TOM1L2: variants seen among roughly 807,000 people sequenced by gnomAD.
The protein encoded by TOM1L2 is target of myb1 like 2 membrane trafficking protein.
A neutral mutation model predicts 67.9 loss-of-function variants in TOM1L2; 31 were observed. That is an observed-to-expected ratio of 0.46 (90% CI 0.34 to 0.62). The LOEUF (loss-of-function observed/expected upper bound fraction) is 0.62. Ranked by LOEUF, TOM1L2 falls within the 20% of genes least tolerant of loss-of-function variation. TOM1L2 has a pLI of 0.01. For missense variants in TOM1L2, 606 were observed against 663.5 expected (o/e 0.91, Z 0.95); for synonymous variants, 256 against 254.0 (o/e 1.01, Z -0.07).
intron 7 of TOM1L2, among the ~76,000 whole-genome samples, chr17:17,879,347 T>C (rs2037593991): frequency 6.6e-6 from 1 of 152,250 alleles, no homozygotes; most frequent in Non-Finnish European, 1.5e-5. Flanking sequence ...TTATTTTCTT[T>C]TCTGTGCTTT....
Position 17,898,678 on chromosome 17 carries a change from GA to G in TOM1L2, c.138-5del, listed in dbSNP as rs1412500111. On this transcript the variant is annotated splice_region_variant and splice_polypyrimidine_tract_variant and intron_variant, in intron 2 of 14. Coordinates refer to ENST00000379504, the MANE Select transcript of TOM1L2 (RefSeq NM_001082968.2). ...GGCTCGAATGGCATCCTTTGGCCTG[GA>G]AAAAAGAACAGACATATAAAGATAC... The G allele has an allele frequency of 6.2e-7, 1 of 1,614,068 alleles. No homozygotes were observed. Among genetic ancestry groups the G allele is most frequent in the Admixed American group, 1.7e-5 (1 of 60,008 alleles).
At chr17:17,954,218 AC>A (rs1343397162) in intron 1 of TOM1L2, among the ~76,000 whole-genome samples, 6 of 152,196 alleles carry the variant, frequency 3.9e-5, no homozygotes, top group Non-Finnish European at 8.8e-5. Context: ...GGGAGTGGGA[AC>A]GGCAAAGTAA....
chr17:17,906,643 C>T (rs1006020312), intron 2 of TOM1L2, among the ~76,000 whole-genome samples: 1 of 152,214 alleles, frequency 6.6e-6, no homozygotes, highest in Non-Finnish European at 1.5e-5. Flanking sequence ...TAGGGCCTGG[C>T]ACAAGGTAGT....
chr17:17,862,541 G>A (rs959691591), intron 11 of TOM1L2, 190 bp downstream of exon 11: 2 of 599,430 alleles, frequency 3.3e-6, no homozygotes, highest in African/African-American at 1.9e-5. Context: ...GTTTGGGGGG[G>A]TGGGGGAGGA....
chr17:17,900,147 A>T (rs1403928983), intron 2 of TOM1L2, among the ~76,000 whole-genome samples: 4 of 152,102 alleles, frequency 2.6e-5, no homozygotes, highest in Non-Finnish European at 5.9e-5. Flanking sequence ...TGGGAGACGG[A>T]GGTTGCAGTG....
chr17:17,850,510 AAAAC>A (rs2035903227), intron 13 of TOM1L2, among the ~76,000 whole-genome samples: 2 of 151,028 alleles, frequency 1.3e-5, no homozygotes, highest in Non-Finnish European at 3.0e-5. Flanking sequence ...AAAACAAAAC[AAAAC>A]AAAAAACATG....
chr17:17,905,876 G>A (rs1422624022), intron 2 of TOM1L2, among the ~76,000 whole-genome samples: 1 of 151,978 alleles, frequency 6.6e-6, no homozygotes, highest in African/African-American at 2.4e-5. Context: ...GTGTTATCTG[G>A]GTCCCCAGTA....
chr17:17,923,020 G>T (rs967802334), intron 1 of TOM1L2, among the ~76,000 whole-genome samples: 2 of 152,164 alleles, frequency 1.3e-5, no homozygotes, highest in African/African-American at 4.8e-5. Context: ...CTATAAAAAG[G>T]CCTCAAAGAG....
rs1288792340 is a variant in TOM1L2 at position 17,865,079 on chromosome 17, T to C, written c.1084+1217A>G. On this transcript the variant is annotated intron_variant, in intron 10 of 14. Transcript: ENST00000379504. ...TATAATTTCATTTGTTATAAATTGGTATCATCCAGTATAACCAATGTGCTA... is the reference window on the plus strand; with the variant it reads ...TATAATTTCATTTGTTATAAATTGGCATCATCCAGTATAACCAATGTGCTA... Among the ~76,000 whole-genome samples, 12 of 152,234 alleles carry C rather than the reference T, an allele frequency of 7.9e-5. No homozygotes were observed. The South Asian group carries it at 2.3e-3, about 29-fold the overall frequency.
chr17:17,851,376 G>A (rs545498254), intron 12 of TOM1L2: 2 of 279,232 alleles, frequency 7.2e-6, no homozygotes, highest in African/African-American at 4.5e-5. Flanking sequence ...CCAACCCAGG[G>A]AAGGCCAAGT....
chr17:17,851,004 G>C, intron 12 of TOM1L2, 52 bp from the exon 13 acceptor site: 2 of 1,597,028 alleles, frequency 1.3e-6, no homozygotes, highest in Non-Finnish European at 1.7e-6. Context: ...GCCAGCGAGG[G>C]GAGACAGAAC....
At position 17,869,359 on chromosome 17, in the gene TOM1L2, C is replaced by T. The variant is rs1034038096; in HGVS notation, c.892G>A (p.Val298Ile). 11 of 1,611,280 alleles carry T rather than the reference C, an allele frequency of 6.8e-6. No individual in the cohort carries two copies. The highest frequency in any genetic ancestry group is 5.0e-5 in the Admixed American group (3 of 59,908). ...TCCCACCTCTCGTATCGAAGGAAGA[C>T]GTTGTTGAGGTCATCGTTCACATGC... is the stretch of plus-strand genomic sequence containing the variant. ...LLHVNDDLNN[V>I]FLRYERFERY... Residue 298 changes from valine to isoleucine, a missense_variant, in exon 8 of 15, where the codon GTC becomes ATC. By Grantham distance (29) the Val-to-Ile change is conservative. This residue lies in a region of TOM1L2 where 543 missense variants were observed against 554.0 expected (regional missense o/e 0.98). Coordinates refer to ENST00000379504, the MANE Select transcript of TOM1L2 (RefSeq NM_001082968.2).
intron 1 of TOM1L2, among the ~76,000 whole-genome samples, chr17:17,947,941 T>C (rs2144860791): frequency 6.6e-6 from 1 of 152,316 alleles, no homozygotes; most frequent in East Asian, 1.9e-4. Context: ...ATATACCTGG[T>C]TACAGTCCAA....
chr17:17,920,143 G>A (rs1314721143), intron 1 of TOM1L2, among the ~76,000 whole-genome samples: 1 of 152,042 alleles, frequency 6.6e-6, no homozygotes, highest in African/African-American at 2.4e-5. Flanking sequence ...TTTAGGTGAA[G>A]TCTTAAGTGT....
At chr17:17,956,137 C>A (rs1239865733) in intron 1 of TOM1L2, among the ~76,000 whole-genome samples, 1 of 152,216 alleles carries the variant, frequency 6.6e-6, no homozygotes, top group Non-Finnish European at 1.5e-5. Context: ...ACCACTACTG[C>A]CTCTGGCCCC....
chr17:17,916,830 C>A (rs773232917), intron 1 of TOM1L2, among the ~76,000 whole-genome samples: 11 of 151,850 alleles, frequency 7.2e-5, no homozygotes, highest in Non-Finnish European at 8.8e-5. Flanking sequence ...TGACACCAGT[C>A]TGGTCAACAC....
At chr17:17,856,369 G>A (rs2036252299) in intron 12 of TOM1L2, among the ~76,000 whole-genome samples, 1 of 152,284 alleles carries the variant, frequency 6.6e-6, no homozygotes, top group African/African-American at 2.4e-5. Context: ...CAGAGCAGCA[G>A]TATGCTGCTA....
chr17:17,966,341 A>T (rs1365009531), intron 1 of TOM1L2, among the ~76,000 whole-genome samples: 1 of 152,138 alleles, frequency 6.6e-6, no homozygotes, highest in Non-Finnish European at 1.5e-5. Context: ...TAAATGAACA[A>T]ATTCTAAATA....
chr17:17,906,013 T>C (rs889282382), intron 2 of TOM1L2, among the ~76,000 whole-genome samples: 3 of 152,148 alleles, frequency 2.0e-5, no homozygotes, highest in Admixed American at 2.0e-4. Context: ...TGCTGTTCCA[T>C]GAGCCTTGAC....
Sources: allele counts gnomAD v4.1 joint callset (sites outside exome capture counted in the v4.1 genomes callset), GRCh38; gene constraint gnomAD v4.1.1; regional missense constraint gnomAD v4.1.1; transcripts MANE v1.5; gene names NCBI Gene and HGNC (gene_info 2026-07-23, HGNC 2026-07-21).